ZNF143: variants seen among roughly 807,000 people sequenced by gnomAD.
ZNF143 encodes zinc finger protein 143.
A neutral mutation model predicts 74.1 loss-of-function variants in ZNF143; 49 were observed. That is an observed-to-expected ratio of 0.66 (90% CI 0.53 to 0.84). The LOEUF is 0.84. Among genes scored for constraint, ZNF143 ranks in the 40% least tolerant of loss-of-function variants. ZNF143 has a pLI of 0.00. For synonymous variants in ZNF143, 304 were observed against 282.8 expected (o/e 1.07, Z -0.75); for missense variants, 637 against 793.4 (o/e 0.80, Z 2.37).
chr11:9,511,598 G>A (rs557779622), intron 12 of ZNF143, among the ~76,000 whole-genome samples: 8 of 151,646 alleles, frequency 5.3e-5, no homozygotes, highest in Admixed American at 2.0e-4. Context: ...CACCATACCC[G>A]GCCTTGGTTT....
chr11:9,490,008 C>T (rs1378409624), intron 7 of ZNF143, among the ~76,000 whole-genome samples: 1 of 151,890 alleles, frequency 6.6e-6, no homozygotes, highest in Non-Finnish European at 1.5e-5. Context: ...TGACAAGACT[C>T]CATTTCTACA....
intron 12 of ZNF143, among the ~76,000 whole-genome samples, chr11:9,511,903 C>T (rs1170560580): frequency 4.0e-5 from 6 of 151,786 alleles, no homozygotes; most frequent in Admixed American, 1.3e-4. Flanking sequence ...AGGCGCCCGC[C>T]ACCATGACCA....
chr11:9,489,943 G>C (rs1323875203), intron 7 of ZNF143, among the ~76,000 whole-genome samples: 2 of 152,172 alleles, frequency 1.3e-5, no homozygotes, highest in Non-Finnish European at 2.9e-5. Flanking sequence ...CACTTTGGGA[G>C]GCTGAGGCAG....
chr11:9,497,722 T>C lies in ZNF143; in HGVS notation c.889T>C (p.Tyr297His). Reference sequence around the variant, plus strand: ...CAGAACTCATACAGGAGAAAAGCCATATCGGTGTTCGGAAGATAATTGTAC... The same window carrying C: ...CAGAACTCATACAGGAGAAAAGCCACATCGGTGTTCGGAAGATAATTGTAC... ...HVRTHTGEKP[Y>H]RCSEDNCTKS... is the part of the protein sequence containing the mutation. The change falls in exon 10 of 16, where the codon TAT (tyrosine) becomes CAT (histidine). Residue 297 changes from tyrosine (Y) to histidine (H), a missense_variant. Physicochemically the swap from Tyr to His is moderately conservative, Grantham distance 83. This residue lies in a region of ZNF143 where 344 missense variants were observed against 485.6 expected (regional missense o/e 0.71). Transcript: ENST00000396602. 1 of 1,610,000 alleles carries C rather than the reference T, an allele frequency of 6.2e-7. No individual in the cohort carries two copies. The highest frequency in any genetic ancestry group is 8.5e-7 in the Non-Finnish European group (1 of 1,176,744).
chr11:9,524,847 A>G (rs1024547481), intron 14 of ZNF143, among the ~76,000 whole-genome samples: 1 of 152,206 alleles, frequency 6.6e-6, no homozygotes, highest in African/African-American at 2.4e-5. Flanking sequence ...AAGAGGAAAA[A>G]AATCATTTAT....
At chr11:9,524,412 G>A (rs1849053634) in intron 14 of ZNF143, among the ~76,000 whole-genome samples, 1 of 152,138 alleles carries the variant, frequency 6.6e-6, no homozygotes, top group Non-Finnish European at 1.5e-5. Context: ...AGACATTGCT[G>A]GAATGAAATC....
In ZNF143 at chr11:9,478,528, C is replaced by G; in HGVS notation, c.512C>G (p.Thr171Ser). Reference protein sequence around the residue: ...QADGTVAGLHTGDATIDPDTI... With the variant: ...QADGTVAGLHSGDATIDPDTI... Reference sequence around the variant, plus strand: ...GATGGGACAGTGGCAGGTCTGCACACTGGGGATGCTACAATTGACCCTGAC... The same window carrying G: ...GATGGGACAGTGGCAGGTCTGCACAGTGGGGATGCTACAATTGACCCTGAC... Residue 171 changes from threonine (T) to serine (S), a missense_variant, in exon 6 of 16, where the codon ACT becomes AGT. Thr to Ser is a moderately conservative substitution (Grantham distance 58). This residue lies in a region of ZNF143 where 293 missense variants were observed against 307.8 expected (regional missense o/e 0.95). Coordinates refer to ENST00000396602, the MANE Select transcript of ZNF143 (RefSeq NM_003442.6). 1 of 1,614,172 alleles carries G rather than the reference C, an allele frequency of 6.2e-7. No homozygotes were observed. The highest frequency in any genetic ancestry group is 8.5e-7 in the Non-Finnish European group (1 of 1,180,028).
chr11:9,496,499 C>T (rs1847961962), intron 9 of ZNF143, 121 bp downstream of exon 9: 3 of 783,534 alleles, frequency 3.8e-6, no homozygotes, highest in African/African-American at 3.4e-5. Flanking sequence ...ATCAGTTTTT[C>T]AGTCTCTCTC....
intron 11 of ZNF143, among the ~76,000 whole-genome samples, chr11:9,504,979 T>G (rs1848307419): frequency 1.0e-5 from 1 of 99,358 alleles, no homozygotes; most frequent in Admixed American, 1.1e-4. Flanking sequence ...AGCCTCTTTT[T>G]TTTTTTTTTT....
chr11:9,526,929 A>G (rs1418923811), intron 15 of ZNF143, among the ~76,000 whole-genome samples: 2 of 152,158 alleles, frequency 1.3e-5, no homozygotes, highest in Non-Finnish European at 2.9e-5. Flanking sequence ...GGTTCATGCC[A>G]TTCTCCTCCC....
At chr11:9,465,658 C>G (rs1856162213) in intron 1 of ZNF143, among the ~76,000 whole-genome samples, 1 of 150,018 alleles carries the variant, frequency 6.7e-6, no homozygotes, top group Non-Finnish European at 1.5e-5. Flanking sequence ...CGCCACCACG[C>G]CTGGCTAATT....
rs185661536 is a variant in ZNF143 at position 9,498,073 on chromosome 11, G to A, written c.967+273G>A. Among the ~76,000 whole-genome samples, 431 of 152,106 alleles carry A rather than the reference G, an allele frequency of 2.8e-3. 1 individual carries two copies. The highest frequency in any genetic ancestry group is 9.6e-3 in the African/African-American group (399 of 41,528). The stretch of plus-strand genomic sequence containing the variant: ...TCTCAATCTTCTGACCTCGTGATCC[G>A]CCCGCCTCTGCCTCCCAAAGTGCTG... On this transcript the variant is annotated intron_variant, in intron 10 of 15. Transcript: ENST00000396602.
intron 12 of ZNF143, 65 bp downstream of exon 12, chr11:9,508,911 A>G: frequency 6.8e-7 from 1 of 1,463,096 alleles, no homozygotes; most frequent in Non-Finnish European, 9.3e-7. Flanking sequence ...AACATAATTT[A>G]TGATTCATAG....
chr11:9,508,507 G>A, intron 11 of ZNF143, 112 bp from the exon 12 acceptor site: 1 of 883,978 alleles, frequency 1.1e-6, no homozygotes, highest in Admixed American at 2.4e-5. Flanking sequence ...GGGATGAGGA[G>A]GGGTTTGGCA....
chr11:9,470,524 A>T (rs149830822), intron 1 of ZNF143, among the ~76,000 whole-genome samples: 77 of 152,246 alleles, frequency 5.1e-4, no homozygotes, highest in Non-Finnish European at 4.7e-4. Context: ...TAATGAAGAT[A>T]CTGGGGACAA....
intron 15 of ZNF143, 141 bp downstream of exon 15, chr11:9,525,527 C>G: frequency 8.7e-7 from 1 of 1,149,538 alleles, no homozygotes; most frequent in Non-Finnish European, 1.3e-6. Flanking sequence ...TTAAGGAAAT[C>G]GGTGTATTTG....
chr11:9,514,299 TC>T (rs1487598607), intron 13 of ZNF143, among the ~76,000 whole-genome samples: 1 of 152,210 alleles, frequency 6.6e-6, no homozygotes. Flanking sequence ...AAAACAACTA[TC>T]TTTCCCATCC....
At chr11:9,506,063 G>C (rs754030317) in intron 11 of ZNF143, among the ~76,000 whole-genome samples, 12 of 152,036 alleles carry the variant, frequency 7.9e-5, no homozygotes, top group Non-Finnish European at 1.3e-4. Context: ...CGCAGTAGTA[G>C]CTCATGCCTG....
chr11:9,476,953 G>A (rs1288176416), intron 5 of ZNF143, among the ~76,000 whole-genome samples: 1 of 149,682 alleles, frequency 6.7e-6, no homozygotes, highest in East Asian at 2.0e-4. Flanking sequence ...TAGTAGAGGC[G>A]GGGTTTCACC....
Sources: gnomAD v4.1 joint callset for allele counts (sites outside exome capture counted in the v4.1 genomes callset) on GRCh38, gnomAD v4.1.1 for gene constraint, gnomAD v4.1.1 regional missense constraint, MANE v1.5 for transcripts, NCBI Gene and HGNC (gene_info 2026-07-23, HGNC 2026-07-21) for gene names.